EXT1: variants seen among roughly 807,000 people sequenced by gnomAD.
EXT1 encodes exostosin glycosyltransferase 1, also known as exostosin-1.
EXT1 carries 20 observed loss-of-function variants against 82.5 expected under a neutral mutation model. That is an observed-to-expected ratio of 0.24 (90% confidence interval 0.17 to 0.35). The LOEUF is 0.35. EXT1 is among the 10% of genes least tolerant of loss of function. EXT1 has a pLI of 1.00. For missense variants in EXT1, 757 were observed against 936.5 expected (o/e 0.81, Z 2.50); for synonymous variants, 348 against 350.8 (o/e 0.99, Z 0.09).
chr8:117,877,694 C>T (rs1812994653), intron 1 of EXT1, among the ~76,000 whole-genome samples: 2 of 151,988 alleles, frequency 1.3e-5, no homozygotes, highest in African/African-American at 4.8e-5. Flanking sequence ...TATAGCAGCC[C>T]CTCCCGCTTA....
At chr8:117,982,356 A>C (rs887397675) in intron 1 of EXT1, among the ~76,000 whole-genome samples, 4 of 152,226 alleles carry the variant, frequency 2.6e-5, no homozygotes, top group Non-Finnish European at 5.9e-5. Context: ...AAGCCATCAA[A>C]GAAGATGCTT....
Position 117,980,694 on chromosome 8 carries a change from GGTGGTTTTTTTTTTT to G in EXT1, c.962+129376_962+129390del, listed in dbSNP as rs1200421408. Among the ~76,000 whole-genome samples, 8 of 123,390 alleles carry G rather than the reference GGTGGTTTTTTTTTTT, an allele frequency of 6.5e-5. 1 individual carries two copies. Among genetic ancestry groups the G allele is most frequent in the Non-Finnish European group, 1.4e-4 (8 of 56,806 alleles). 80.9% of individuals were successfully genotyped at this position (123,390 alleles called of 152,430 possible). On this transcript the variant is annotated intron_variant, in intron 1 of 10. Coordinates refer to ENST00000378204, the MANE Select transcript of EXT1 (RefSeq NM_000127.3). Reference sequence around the variant, plus strand: ...GGGAAGGTTTGTTTGTTCGGGTGTTGGTGGTTTTTTTTTTTTTTTTTTTTTTTTTTTTTTTTTCCA... The same window carrying G: ...GGGAAGGTTTGTTTGTTCGGGTGTTGTTTTTTTTTTTTTTTTTTTTTTCCA...
At chr8:118,033,090 T>C (rs4876399) in intron 1 of EXT1, among the ~76,000 whole-genome samples, 73,692 of 151,962 alleles carry the variant, frequency 0.48, 18,567 homozygotes, top group African/African-American at 0.61. Context: ...TGCAATGCGC[T>C]AAATATGTGC....
chr8:117,835,888 A>C (rs553543654), intron 2 of EXT1, among the ~76,000 whole-genome samples: 6 of 152,194 alleles, frequency 3.9e-5, no homozygotes, highest in Non-Finnish European at 8.8e-5. Context: ...CACCAACAAA[A>C]TCTGAGTATA....
At chr8:117,893,070 T>C (rs1280361794) in intron 1 of EXT1, among the ~76,000 whole-genome samples, 2 of 152,232 alleles carry the variant, frequency 1.3e-5, no homozygotes, top group African/African-American at 4.8e-5. Context: ...AGCTGAAACA[T>C]TACAGTACAC....
chr8:118,109,081 AG>A (rs1247219061), intron 1 of EXT1, among the ~76,000 whole-genome samples: 1 of 152,190 alleles, frequency 6.6e-6, no homozygotes, highest in Non-Finnish European at 1.5e-5. Context: ...CACCAAGCTC[AG>A]GATAAAGCAG....
rs774883865 is a variant in EXT1, at chr8:118,110,508, C to G, written c.539G>C (p.Ser180Thr). 1.9e-6 allele frequency: 3 copies of G among 1,614,144 alleles called. No individual in the cohort carries two copies. The highest frequency in any genetic ancestry group is 1.3e-5 in the African/African-American group (1 of 75,034). ...CCTACCATTGTTCCACAAGTGGAGA[C>G]TCTGCACTTTGGATCTCAAATTGTG... ...YVHNLRSKVQ[S>T]LHLWNNGRNH... Residue 180 changes from serine to threonine, a missense_variant, in exon 1 of 11, where the codon AGT (serine) becomes ACT (threonine). By Grantham distance (58) the Ser-to-Thr change is moderately conservative (BLOSUM62 1). Around this residue, in one of 4 missense-constraint regions of EXT1, gnomAD observed 247 missense variants for 330.1 expected, o/e 0.75. Transcript: ENST00000378204.
chr8:117,939,108 C>A (rs1814224722), intron 1 of EXT1, among the ~76,000 whole-genome samples: 1 of 152,106 alleles, frequency 6.6e-6, no homozygotes, highest in African/African-American at 2.4e-5. Context: ...ACTCAAATGC[C>A]ACCTATTCCA....
At chr8:117,932,429 C>T (rs1387987368) in intron 1 of EXT1, among the ~76,000 whole-genome samples, 1 of 152,158 alleles carries the variant, frequency 6.6e-6, no homozygotes, top group Non-Finnish European at 1.5e-5. Context: ...AAACCAATTA[C>T]TGAGTCTGGG....
chr8:118,101,546 A>G (rs1817719247), intron 1 of EXT1, among the ~76,000 whole-genome samples: 1 of 152,240 alleles, frequency 6.6e-6, no homozygotes. Flanking sequence ...AATTAGCTAG[A>G]AGAGTAACAT....
At chr8:118,000,041 T>C (rs929603531) in intron 1 of EXT1, among the ~76,000 whole-genome samples, 3 of 152,186 alleles carry the variant, frequency 2.0e-5, no homozygotes, top group African/African-American at 7.2e-5. Flanking sequence ...ACACACAGTT[T>C]ATTTTTTCCT....
intron 1 of EXT1, among the ~76,000 whole-genome samples, chr8:118,103,205 G>GGT (rs1223362340): frequency 1.3e-5 from 2 of 152,146 alleles, no homozygotes; most frequent in Non-Finnish European, 2.9e-5. Context: ...GGAGTGCAGT[G>GGT]GTGCCATCAT....
At position 118,041,947 on chromosome 8, in the gene EXT1, C is replaced by CA. The variant is rs1260298941; in HGVS notation, c.962+68137dup. ...TGGGTGACAGAGCGAGACTCTGCCTCAGAAAAAAAAAAAAAAAGAAAGAAA... is the reference window on the plus strand; with the variant it reads ...TGGGTGACAGAGCGAGACTCTGCCTCAAGAAAAAAAAAAAAAAAGAAAGAAA... On this transcript the variant is annotated intron_variant, in intron 1 of 10. Transcript: ENST00000378204. 1.0e-3 allele frequency among the ~76,000 whole-genome samples: 84 copies of CA among 81,992 alleles called. 4 individuals carry two copies. Among genetic ancestry groups the CA allele is most frequent in the South Asian group, 3.8e-3 (10 of 2,606 alleles). The allele number at this position is 81,992 out of a possible 152,430, so 53.8% of individuals were successfully genotyped here.
At chr8:117,872,604 G>C (rs576111662) in intron 1 of EXT1, among the ~76,000 whole-genome samples, 1 of 152,250 alleles carries the variant, frequency 6.6e-6, no homozygotes, top group African/African-American at 2.4e-5. Flanking sequence ...TAATATGTTT[G>C]GATAGCTGCT....
chr8:117,925,987 C>T (rs1813946554), intron 1 of EXT1, among the ~76,000 whole-genome samples: 1 of 152,134 alleles, frequency 6.6e-6, no homozygotes, highest in Admixed American at 6.5e-5. Flanking sequence ...CTTTTGGCTT[C>T]TCAATTTTAA....
chr8:117,864,353 C>G (rs1426407619), intron 1 of EXT1, among the ~76,000 whole-genome samples: 1 of 152,130 alleles, frequency 6.6e-6, no homozygotes, highest in Non-Finnish European at 1.5e-5. Context: ...ACAGTCTAGA[C>G]CAGGGTGTCC....
chr8:117,947,974 T>G (rs935908612), intron 1 of EXT1, among the ~76,000 whole-genome samples: 4 of 152,148 alleles, frequency 2.6e-5, no homozygotes, highest in African/African-American at 9.7e-5. Context: ...AGAACAAATA[T>G]TTGGAGGTGA....
At chr8:118,052,487 T>C (rs1816733029) in intron 1 of EXT1, among the ~76,000 whole-genome samples, 4 of 152,214 alleles carry the variant, frequency 2.6e-5, no homozygotes, top group African/African-American at 7.2e-5. Context: ...GAATGCCAAA[T>C]GAACCTGAAC....
chr8:117,807,646 C>CTAAA (rs1823258717), intron 8 of EXT1, among the ~76,000 whole-genome samples: 4 of 152,158 alleles, frequency 2.6e-5, no homozygotes, highest in Non-Finnish European at 4.4e-5. Context: ...AAAATCCAGT[C>CTAAA]TGTTCAAGCT....
Sources: gnomAD v4.1 joint callset for allele counts (sites outside exome capture counted in the v4.1 genomes callset) on GRCh38, gnomAD v4.1.1 for gene constraint, gnomAD v4.1.1 regional missense constraint, MANE v1.5 for transcripts, NCBI Gene and HGNC (gene_info 2026-07-23, HGNC 2026-07-21) for gene names.